SNU13: variants seen among roughly 807,000 people sequenced by gnomAD.
SNU13 encodes small nuclear ribonucleoprotein 13, also known as NHP2-like protein 1.
A neutral mutation model predicts 12.4 loss-of-function variants in SNU13; 2 were observed. The ratio of observed to expected loss-of-function variants is 0.16; its 90% CI spans 0.07 to 0.51. The LOEUF is 0.51. Ranked by LOEUF, SNU13 falls within the 20% of genes least tolerant of loss-of-function variation. The pLI is 0.96. For synonymous variants in SNU13, 68 were observed against 66.5 expected (o/e 1.02, Z -0.11); for missense variants, 66 against 157.8 (o/e 0.42, Z 3.12).
intron 2 of SNU13, among the ~76,000 whole-genome samples, chr22:41,676,528 A>T (rs2068215912): frequency 1.3e-5 from 1 of 76,194 alleles, no homozygotes; most frequent in Admixed American, 1.0e-4. Flanking sequence ...TTTTAACCTA[A>T]TTCTTTTTTT....
At chr22:41,679,557 T>A (rs2068244135) in intron 2 of SNU13, among the ~76,000 whole-genome samples, 1 of 149,902 alleles carries the variant, frequency 6.7e-6, no homozygotes, top group African/African-American at 2.5e-5. Flanking sequence ...ACTCTCCAAA[T>A]AAAAAAATAA....
upstream of SNU13, chr22:41,688,988 C>G (rs1421552395): frequency 3.0e-6 from 4 of 1,323,426 alleles, no homozygotes; most frequent in Non-Finnish European, 3.9e-6. Context: ...GGCCCTGTGT[C>G]GAAGAAGGAA....
intron 2 of SNU13, among the ~76,000 whole-genome samples, chr22:41,677,494 C>G (rs2068224306): frequency 6.6e-6 from 1 of 152,070 alleles, no homozygotes; most frequent in African/African-American, 2.4e-5. Context: ...CCAATGCACT[C>G]CAGCCTGGGC....
rs993188345 is a variant in SNU13, at chr22:41,688,674, T to G, written c.3+120A>C. On this transcript the variant is annotated intron_variant, in intron 1 of 2. Coordinates refer to ENST00000401959, the MANE Select transcript of SNU13 (RefSeq NM_001003796.2). ...GGGTTCTAACTAAGGGCCCGGCGGT[T>G]AAGACCCAACGCCGGCGGATGAGAC... 8 of 1,396,154 alleles carry G rather than the reference T, an allele frequency of 5.7e-6. No individual in the cohort carries two copies. The South Asian group carries it at 9.0e-5, about 16-fold the overall frequency. 86.5% of individuals were successfully genotyped at this position (1,396,154 alleles called of 1,614,324 possible). A position where few individuals can be genotyped will look rare whatever the true frequency, so the allele number is the denominator to read the frequency against.
chr22:41,680,623 GATA>G (rs2068255325), intron 1 of SNU13, among the ~76,000 whole-genome samples: 1 of 152,346 alleles, frequency 6.6e-6, no homozygotes, highest in African/African-American at 2.4e-5. Context: ...CCGAATGTTT[GATA>G]ATATTACAGC....
intron 2 of SNU13, among the ~76,000 whole-genome samples, chr22:41,678,792 G>A (rs969852962): frequency 2.2e-4 from 34 of 152,176 alleles, no homozygotes; most frequent in Non-Finnish European, 3.2e-4. Flanking sequence ...AGAGCACTAC[G>A]ACGAGACCCA....
Position 41,674,795 on chromosome 22 carries a change from AAAAATCCAG to A in SNU13, c.*129_*137del. ...CTGTAAAACAGAACAAAAACAACACAAAAATCCAGAAACCAGATTTAGTACTACATTTTA... is the reference window on the plus strand; with the variant it reads ...CTGTAAAACAGAACAAAAACAACACAAAACCAGATTTAGTACTACATTTTA... On this transcript the variant is annotated 3_prime_UTR_variant, in exon 3 of 3. Transcript: ENST00000401959. 1.6e-6 allele frequency: 2 copies of A among 1,257,196 alleles called. No homozygotes were observed. The allele number at this position is 1,257,196 out of a possible 1,614,324, so 77.9% of individuals were successfully genotyped here.
chr22:41,675,182 G>A lies in SNU13; in HGVS notation c.138C>T (p.Leu46=). The A allele has an allele frequency of 1.2e-6, 2 of 1,613,534 alleles. No homozygotes were observed. Among genetic ancestry groups the A allele is most frequent in the Non-Finnish European group, 1.7e-6 (2 of 1,179,966 alleles). ...RKGANEATKT[L]NRGISEFIVM... ...CGATGAACTCAGAGATGCCCCTGTT[G>A]AGGGTTTTGGTGGCTGCGGAGAGAA... Residue 46 remains leucine (L), a synonymous_variant, in exon 3 of 3, where the codon CTC becomes CTT. Coordinates refer to ENST00000401959, the MANE Select transcript of SNU13 (RefSeq NM_001003796.2).
chr22:41,681,912 T>C (rs1027408944), intron 1 of SNU13, among the ~76,000 whole-genome samples: 3 of 152,096 alleles, frequency 2.0e-5, no homozygotes, highest in African/African-American at 7.2e-5. Flanking sequence ...AGGGAGCATA[T>C]TGGGTGAGTG....
rs756484847 is a variant in SNU13 at position 41,680,350 on chromosome 22, C to G, written c.18G>C (p.Val6=). 1.2e-6 allele frequency: 2 copies of G among 1,613,552 alleles called. No homozygotes were observed. Among genetic ancestry groups the G allele is most frequent in the African/African-American group, 2.7e-5 (2 of 74,872 alleles). Residue 6 remains valine, a synonymous_variant, in exon 2 of 3, where the codon GTG becomes GTC. Coordinates refer to ENST00000401959, the MANE Select transcript of SNU13 (RefSeq NM_001003796.2). MTEAD[V]NPKAYPLADA... is the part of the protein sequence containing the mutation. ...CGGCAAGGGGATAGGCCTTTGGATT[C>G]ACATCAGCCTCAGTCTATGGGGGGG...
intron 1 of SNU13, chr22:41,688,260 C>G (rs972043174): frequency 1.3e-5 from 2 of 152,544 alleles, no homozygotes; most frequent in Non-Finnish European, 2.9e-5. Context: ...ATGCCAAAGG[C>G]TCCTCTAGGT....
chr22:41,680,411 TCCTA>T, intron 1 of SNU13, 47 bp from the exon 2 acceptor site: 2 of 1,583,870 alleles, frequency 1.3e-6, no homozygotes, highest in East Asian at 2.3e-5. Flanking sequence ...CCAGAAGTTT[TCCTA>T]CCTGAGTCAC....
At position 41,674,877 on chromosome 22, in the gene SNU13, T is replaced by A; in HGVS notation, c.*56A>T. 1 of 1,587,860 alleles carries A rather than the reference T, an allele frequency of 6.3e-7. No homozygotes were observed. Among genetic ancestry groups the A allele is most frequent in the Non-Finnish European group, 8.6e-7 (1 of 1,163,714 alleles). ...ATACTACATGCTAACACAGATAATA[T>A]GATACACAACCTCAGGGGGGAAGCT... On this transcript the variant is annotated 3_prime_UTR_variant, in exon 3 of 3. Transcript: ENST00000401959.
chr22:41,684,077 T>C lies in SNU13; in HGVS notation c.4-3713A>G, dbSNP rs977264117. Among the ~76,000 whole-genome samples the C allele has an allele frequency of 3.9e-5, 6 of 152,260 alleles. No individual in the cohort carries two copies. In the East Asian group the frequency reaches 9.7e-4, roughly 25 times the overall value. On this transcript the variant is annotated intron_variant, in intron 1 of 2. Transcript: ENST00000401959. The stretch of plus-strand genomic sequence containing the variant: ...CGTCACCACACCGGGCTAATTTTTG[T>C]ATTTTTTAGTAGAGACTGGGTTTTG...
intron 2 of SNU13, among the ~76,000 whole-genome samples, chr22:41,678,660 C>A (rs1053494945): frequency 6.6e-6 from 1 of 152,124 alleles, no homozygotes; most frequent in Non-Finnish European, 1.5e-5. Flanking sequence ...GCCAAGCTGA[C>A]CTGAGTGCAT....
At position 41,675,789 on chromosome 22, in the gene SNU13, C is replaced by T. The variant is rs538437793; in HGVS notation, c.125-594G>A. On this transcript the variant is annotated intron_variant, in intron 2 of 2. Coordinates refer to ENST00000401959, the MANE Select transcript of SNU13 (RefSeq NM_001003796.2). ...TTTTTGAGATGGAGTCTCACACTGTCGCCCGGGCTGGAGTGCAATGGCGCA... is the reference window on the plus strand; with the variant it reads ...TTTTTGAGATGGAGTCTCACACTGTTGCCCGGGCTGGAGTGCAATGGCGCA... 6.3e-5 allele frequency among the ~76,000 whole-genome samples: 9 copies of T among 143,542 alleles called. No homozygotes were observed. The East Asian group carries it at 1.2e-3, about 20-fold the overall frequency. The allele number at this position is 143,542 out of a possible 152,430, so 94.2% of individuals were successfully genotyped here.
At chr22:41,684,836 C>G (rs1472903286) in intron 1 of SNU13, among the ~76,000 whole-genome samples, 1 of 152,078 alleles carries the variant, frequency 6.6e-6, no homozygotes, top group East Asian at 1.9e-4. Context: ...CAGTGAGACC[C>G]CCATCTCTAA....
At chr22:41,688,895 A>G, upstream of SNU13, 1 of 1,485,634 alleles carries the variant, frequency 6.7e-7, no homozygotes. Flanking sequence ...AGCAGCGGAA[A>G]TGGCCCCGCG....
chr22:41,686,568 G>A (rs2068311930), intron 1 of SNU13, among the ~76,000 whole-genome samples: 1 of 151,700 alleles, frequency 6.6e-6, no homozygotes, highest in Admixed American at 6.6e-5. Flanking sequence ...CCAAAGTGCT[G>A]GGATTACAGG....
Sources: gnomAD v4.1 joint callset for allele counts (sites outside exome capture counted in the v4.1 genomes callset) on GRCh38, gnomAD v4.1.1 for gene constraint, MANE v1.5 for transcripts, NCBI Gene and HGNC (gene_info 2026-07-23, HGNC 2026-07-21) for gene names.